Variants in PALD1 observed in about 807,000 individuals in gnomAD.
PALD1 encodes the protein phosphatase domain containing paladin 1.
PALD1 carries 57 observed loss-of-function variants against 96.0 expected under a neutral mutation model. That is an observed-to-expected ratio of 0.59 (90% confidence interval 0.48 to 0.74). The LOEUF (loss-of-function observed/expected upper bound fraction) is 0.74. Ranked by LOEUF, PALD1 falls within the 30% of genes least tolerant of loss-of-function variation. The pLI is 0.00. For missense variants in PALD1, 1,063 were observed against 1,143.7 expected (o/e 0.93, Z 1.02); for synonymous variants, 464 against 473.6 (o/e 0.98, Z 0.26).
chr10:70,495,563 G>A (rs986091517), intron 1 of PALD1, among the ~76,000 whole-genome samples: 11 of 152,166 alleles, frequency 7.2e-5, no homozygotes, highest in African/African-American at 2.4e-4. Flanking sequence ...TTGGCTGGGA[G>A]GGGTGTTTGT....
At chr10:70,547,035 T>C (rs913210965) in intron 17 of PALD1, among the ~76,000 whole-genome samples, 2 of 152,222 alleles carry the variant, frequency 1.3e-5, no homozygotes, top group African/African-American at 4.8e-5. Context: ...AGATATTCGG[T>C]ACAAATTCAA....
chr10:70,564,539 G>A lies in PALD1; in HGVS notation c.2418+20G>A, dbSNP rs957320850. 9 of 1,610,484 alleles carry A rather than the reference G, an allele frequency of 5.6e-6. No homozygotes were observed. Among genetic ancestry groups the A allele is most frequent in the African/African-American group, 5.3e-5 (4 of 74,902 alleles). ...CAGGAGGTGAGGGGAGGCTGAGGCC[G>A]AGAGGGGCCGGGGCGATGGCTCCTG... On this transcript the variant is annotated intron_variant, in intron 19 of 19. Transcript: ENST00000263563.
Position 70,478,916 on chromosome 10 carries a change from T to A in PALD1, c.-173T>A, listed in dbSNP as rs1170016105. ...CTCCGGAGCCACCTCTGCCCCCGCA[T>A]GGGCTGGCGAAGTTGGGAGGAGCGA... On this transcript the variant is annotated 5_prime_UTR_variant, in exon 1 of 20. An upstream start codon of the reference 5' UTR is lost. Coordinates refer to ENST00000263563, the MANE Select transcript of PALD1 (RefSeq NM_014431.3). 1.3e-5 allele frequency: 2 copies of A among 151,940 alleles called. No individual in the cohort carries two copies. Among genetic ancestry groups the A allele is most frequent in the African/African-American group, 2.4e-5 (1 of 41,394 alleles). The allele number at this position is 151,940 out of a possible 1,614,324, so 9.4% of individuals were successfully genotyped here. A position where few individuals can be genotyped will look rare whatever the true frequency, so the allele number is the denominator to read the frequency against.
intron 19 of PALD1, 32 bp downstream of exon 19, chr10:70,564,551 G>T (rs1315755783): frequency 6.9e-6 from 11 of 1,603,228 alleles, no homozygotes; most frequent in Non-Finnish European, 9.4e-6. Flanking sequence ...GAGGGGCCGG[G>T]GCGATGGCTC....
intron 10 of PALD1, among the ~76,000 whole-genome samples, chr10:70,536,699 C>G (rs546618828): frequency 2.0e-5 from 3 of 152,198 alleles, no homozygotes; most frequent in Non-Finnish European, 4.4e-5. Context: ...GCCTGAAAGT[C>G]TAGAGTATTT....
At position 70,488,182 on chromosome 10, in the gene PALD1, C is replaced by T. The variant is rs148652539; in HGVS notation, c.-30+9123C>T. 2.0e-5 allele frequency among the ~76,000 whole-genome samples: 3 copies of T among 152,094 alleles called. No homozygotes were observed. The East Asian group carries it at 5.8e-4, about 29-fold the overall frequency. ...TGTTGCCCAGGCTGCAGTGAAGTGG[C>T]TCAGGGTCGACTCACTGCAGCCTTA... On this transcript the variant is annotated intron_variant, in intron 1 of 19. Coordinates refer to ENST00000263563, the MANE Select transcript of PALD1 (RefSeq NM_014431.3).
At position 70,510,482 on chromosome 10, in the gene PALD1, C is replaced by T. The variant is rs571103961; in HGVS notation, c.-29-15441C>T. Among the ~76,000 whole-genome samples the T allele has an allele frequency of 3.3e-5, 5 of 152,308 alleles. No individual in the cohort carries two copies. In the South Asian group the frequency reaches 1.0e-3, roughly 32 times the overall value. ...CCCTATTCTCCCTGGGCCCCCCTCC[C>T]TAAGGCATTTGCCCCCAACACCTGG... On this transcript the variant is annotated intron_variant, in intron 1 of 19. Transcript: ENST00000263563.
At chr10:70,558,354 G>A (rs1847658276) in intron 18 of PALD1, among the ~76,000 whole-genome samples, 2 of 152,136 alleles carry the variant, frequency 1.3e-5, no homozygotes, top group Non-Finnish European at 2.9e-5. Context: ...AGGCAAAGGG[G>A]TTGGCACAGG....
chr10:70,509,494 G>A (rs1165224214), intron 1 of PALD1, among the ~76,000 whole-genome samples: 1 of 152,214 alleles, frequency 6.6e-6, no homozygotes, highest in African/African-American at 2.4e-5. Context: ...CCCACAGAAG[G>A]AACATCAGAC....
At chr10:70,495,496 C>T (rs72809287) in intron 1 of PALD1, among the ~76,000 whole-genome samples, 1,651 of 152,022 alleles carry the variant, frequency 0.011, 15 homozygotes, top group Middle Eastern at 0.017. Flanking sequence ...GTTGGAATTA[C>T]GTGTATTGGC....
In PALD1 at chr10:70,540,684, G is replaced by A. The variant is rs1564704462; in HGVS notation, c.1909-418G>A. ...TGCCTCCTGGTGGCCTTGTGCTGCA[G>A]GGCTCTTCTGAGGTCAGGCCCCCGT... is the stretch of plus-strand genomic sequence containing the variant. On this transcript the variant is annotated intron_variant, in intron 15 of 19. Transcript: ENST00000263563. The surrounding 1 kb of genome is among the most constrained non-coding windows in gnomAD (Gnocchi z 4.2). Among the ~76,000 whole-genome samples the A allele has an allele frequency of 6.6e-6, 1 of 152,146 alleles. No individual in the cohort carries two copies. Among genetic ancestry groups the A allele is most frequent in the Non-Finnish European group, 1.5e-5 (1 of 68,018 alleles).
intron 19 of PALD1, among the ~76,000 whole-genome samples, chr10:70,565,978 C>G (rs1274638077): frequency 6.6e-6 from 1 of 152,214 alleles, no homozygotes; most frequent in Non-Finnish European, 1.5e-5. Flanking sequence ...ACCTCAGCCC[C>G]TCTCTCCTGC....
In PALD1 at chr10:70,522,639, A is replaced by C. The variant is rs936858495; in HGVS notation, c.-29-3284A>C. On this transcript the variant is annotated intron_variant, in intron 1 of 19. Coordinates refer to ENST00000263563, the MANE Select transcript of PALD1 (RefSeq NM_014431.3). ...AAGGAGAGTTAGAAGGTAGGAAATA[A>C]AGGCATAAACAATTCACCAACTATG... Among the ~76,000 whole-genome samples the C allele has an allele frequency of 8.5e-5, 13 of 152,330 alleles. No homozygotes were observed. The South Asian group carries it at 1.4e-3, about 17-fold the overall frequency.
the PALD1 span, among the ~76,000 whole-genome samples, chr10:70,465,686 C>T: frequency 1.3e-5 from 2 of 152,164 alleles, no homozygotes; most frequent in African/African-American, 2.4e-5. Context: ...CATCACGCTG[C>T]CACTCAGGGA....
rs370618923 is a variant in PALD1, at chr10:70,541,260, A to G, written c.2049+18A>G. 105 of 1,593,530 alleles carry G rather than the reference A, an allele frequency of 6.6e-5. No homozygotes were observed. The highest frequency in any genetic ancestry group is 8.1e-5 in the African/African-American group (6 of 74,344). ...ACATCCAAGTACGTGTGGCCTCTCAAGTGAGATTAGAGATTTGCCTGGAGG... is the reference window on the plus strand; with the variant it reads ...ACATCCAAGTACGTGTGGCCTCTCAGGTGAGATTAGAGATTTGCCTGGAGG... On this transcript the variant is annotated intron_variant, in intron 16 of 19. Transcript: ENST00000263563.
chr10:70,495,082 G>T (rs913101018), intron 1 of PALD1, among the ~76,000 whole-genome samples: 2 of 152,206 alleles, frequency 1.3e-5, no homozygotes, highest in African/African-American at 2.4e-5. Context: ...CCGGAGACTC[G>T]CTGTCTCCTT....
intron 18 of PALD1, among the ~76,000 whole-genome samples, chr10:70,554,583 C>A (rs67112996): frequency 0.53 from 80,174 of 151,762 alleles, 21,862 homozygotes; most frequent in Middle Eastern, 0.66. Flanking sequence ...CGGTGACACC[C>A]GCAGCAGACT....
At chr10:70,543,044 A>G in intron 17 of PALD1, among the ~76,000 whole-genome samples, 1 of 146,484 alleles carries the variant, frequency 6.8e-6, no homozygotes, top group African/African-American at 2.5e-5. Flanking sequence ...AAGTGCTGGG[A>G]GCCACTGTGC....
the PALD1 span, among the ~76,000 whole-genome samples, chr10:70,468,351 C>A: frequency 1.3e-4 from 20 of 151,948 alleles, no homozygotes; most frequent in African/African-American, 4.6e-4. Flanking sequence ...TCAAACGATT[C>A]TCCTGCCTCA....
Sources: gnomAD v4.1 joint callset for allele counts (sites outside exome capture counted in the v4.1 genomes callset) on GRCh38, gnomAD v4.1.1 for gene constraint, Gnocchi (gnomAD v3.1) non-coding constraint, MANE v1.5 for transcripts, NCBI Gene and HGNC (gene_info 2026-07-23, HGNC 2026-07-21) for gene names.